The following PDK3 variants were observed in gnomAD, a reference collection of about 807,000 sequenced individuals.
PDK3 encodes pyruvate dehydrogenase kinase, isozyme 3.
A neutral mutation model predicts 32.0 loss-of-function variants in PDK3; 12 were observed. That is an observed-to-expected ratio of 0.37 (90% confidence interval 0.24 to 0.61). PDK3 has a LOEUF of 0.61. Ranked by LOEUF, PDK3 falls within the 20% of genes least tolerant of loss-of-function variation. PDK3 has a pLI of 0.65. For synonymous variants in PDK3, 122 were observed against 116.3 expected, an observed-to-expected ratio of 1.05 and a Z score of -0.31; for missense variants, 188 against 316.9, an observed-to-expected ratio of 0.59 and a Z score of 3.09.
At chrX:24,502,895 A>G (rs181574617) in intron 3 of PDK3, among the ~76,000 whole-genome samples, 2 of 112,054 alleles carry the variant, frequency 1.8e-5, no homozygotes, top group Non-Finnish European at 3.8e-5. Context: ...TTCTTTATTC[A>G]TGGAAGCTAT....
exon 12 of PDK3, among the ~76,000 whole-genome samples, chrX:24,540,666 C>G (rs1922868335): frequency 9.1e-6 from 1 of 109,855 alleles, no homozygotes; most frequent in African/African-American, 3.3e-5. Context: ...CTCTTCCATC[C>G]TTAGAAGGAT....
At chrX:24,545,762 C>G (rs1460772362) in exon 12 of PDK3, 1 of 111,578 alleles carries the variant, frequency 9.0e-6, no homozygotes, top group Non-Finnish European at 1.9e-5. Flanking sequence ...TCCAGTGTCT[C>G]CAGCGTGCTA....
intron 1 of PDK3, among the ~76,000 whole-genome samples, chrX:24,469,203 T>G (rs1479275277): frequency 1.8e-5 from 2 of 112,163 alleles, no homozygotes; most frequent in African/African-American, 3.2e-5. Flanking sequence ...ATTATATGCA[T>G]TGTCATTTCA....
At chrX:24,546,640 T>A (rs1470890812) in exon 12 of PDK3, 8 of 112,150 alleles carry the variant, frequency 7.1e-5, no homozygotes, top group Non-Finnish European at 9.4e-5. Context: ...CAGGACACTG[T>A]TACTTTGTGT....
intron 3 of PDK3, among the ~76,000 whole-genome samples, chrX:24,500,091 G>A (rs1921815945): frequency 9.0e-6 from 1 of 110,870 alleles, no homozygotes; most frequent in South Asian, 3.8e-4. Context: ...CCAAATTTTA[G>A]AACAAATTTG....
intron 1 of PDK3, among the ~76,000 whole-genome samples, chrX:24,472,436 A>G (rs1177530960): frequency 8.9e-6 from 1 of 111,952 alleles, no homozygotes; most frequent in Non-Finnish European, 1.9e-5. Flanking sequence ...TATTTCTGAT[A>G]GAAATTTAGC....
intron 1 of PDK3, among the ~76,000 whole-genome samples, chrX:24,483,350 A>C: frequency 8.9e-6 from 1 of 111,926 alleles, no homozygotes; most frequent in Admixed American, 9.5e-5. Context: ...TCCCTTCTGG[A>C]ATTAGGTTGA....
chrX:24,489,684 C>A (rs1282973982), intron 1 of PDK3, among the ~76,000 whole-genome samples: 87 of 46,555 alleles, frequency 1.9e-3, no homozygotes, highest in South Asian at 2.5e-3. Context: ...GACTCTGTCT[C>A]AAAAAAAAAA....
chrX:24,506,971 C>T (rs1054233729), intron 5 of PDK3, among the ~76,000 whole-genome samples: 1 of 109,289 alleles, frequency 9.2e-6, no homozygotes, highest in Non-Finnish European at 1.9e-5. Context: ...CCACCACGCC[C>T]AGCTAATTTT....
exon 12 of PDK3, among the ~76,000 whole-genome samples, chrX:24,540,054 A>T (rs1207608): frequency 0.16 from 18,140 of 111,739 alleles, 1,445 homozygotes; most frequent in Non-Finnish European, 0.25. Context: ...ATAGACTATC[A>T]GAGGGAAAAG....
At chrX:24,529,755 C>T (rs1290084775) in intron 9 of PDK3, among the ~76,000 whole-genome samples, 4 of 95,459 alleles carry the variant, frequency 4.2e-5, no homozygotes, top group Non-Finnish European at 6.6e-5. Context: ...CGAGGCTCTG[C>T]CTCAAAAAAA....
At chrX:24,511,974 T>C (rs987282418) in intron 5 of PDK3, among the ~76,000 whole-genome samples, 5 of 111,949 alleles carry the variant, frequency 4.5e-5, no homozygotes, top group African/African-American at 1.6e-4. Flanking sequence ...AATATTTTTA[T>C]TTTTGACTAG....
intron 4 of PDK3, among the ~76,000 whole-genome samples, chrX:24,504,987 C>G (rs747108894): frequency 8.9e-6 from 1 of 112,311 alleles, no homozygotes; most frequent in African/African-American, 3.2e-5. Context: ...AACCTGCTGA[C>G]TGCAACTGAC....
intron 1 of PDK3, among the ~76,000 whole-genome samples, chrX:24,487,544 T>A (rs771421742): frequency 8.9e-6 from 1 of 112,031 alleles, no homozygotes; most frequent in East Asian, 2.8e-4. Flanking sequence ...TTCTCAGTTA[T>A]ATTTTACCAA....
At chrX:24,481,373 C>T (rs1027248980) in intron 1 of PDK3, among the ~76,000 whole-genome samples, 2 of 112,283 alleles carry the variant, frequency 1.8e-5, no homozygotes, top group African/African-American at 3.2e-5. Context: ...CTGTTTACTC[C>T]TAGCACTGCT....
intron 1 of PDK3, among the ~76,000 whole-genome samples, chrX:24,473,495 G>A (rs948721778): frequency 9.1e-6 from 1 of 109,533 alleles, no homozygotes; most frequent in African/African-American, 3.3e-5. Flanking sequence ...AGAGTGCAAC[G>A]GCTTGGTCTT....
chrX:24,502,097 T>C (rs751718933), intron 3 of PDK3, among the ~76,000 whole-genome samples: 2 of 111,931 alleles, frequency 1.8e-5, no homozygotes, highest in South Asian at 3.7e-4. Flanking sequence ...AAATTCTACA[T>C]AGTCATATCA....
At chrX:24,539,372 T>C (rs1320510588), downstream of PDK3, 1 of 401,019 alleles carries the variant, frequency 2.5e-6, no homozygotes, top group Admixed American at 4.5e-5. Flanking sequence ...AACTTTTTAA[T>C]GACATCTTGC....
At chrX:24,543,316 A>G (rs1270205252) in exon 12 of PDK3, among the ~76,000 whole-genome samples, 1 of 110,075 alleles carries the variant, frequency 9.1e-6, no homozygotes, top group Non-Finnish European at 1.9e-5. Context: ...TTCTTCATTC[A>G]TGCTGTATGA....
Sources: allele counts gnomAD v4.1 joint callset (sites outside exome capture counted in the v4.1 genomes callset), GRCh38; gene constraint gnomAD v4.1.1; transcripts MANE v1.5; gene names NCBI Gene and HGNC (gene_info 2026-07-23, HGNC 2026-07-21).